Variants in NDUFA8 observed in about 807,000 individuals in gnomAD.
NDUFA8 encodes the protein NADH dehydrogenase [ubiquinone] 1 alpha subcomplex subunit 8.
A neutral mutation model predicts 20.9 loss-of-function variants in NDUFA8; 16 were observed. That is an observed-to-expected ratio of 0.77 (90% confidence interval 0.52 to 1.16). The LOEUF is 1.16. Among genes scored for constraint, NDUFA8 ranks in the 50% most tolerant of loss-of-function variants. The pLI, the probability that NDUFA8 is intolerant of heterozygous loss-of-function variation, is 0.00. For synonymous variants in NDUFA8, 70 were observed against 76.1 expected (o/e 0.92, Z 0.41); for missense variants, 202 against 216.4 (o/e 0.93, Z 0.42).
At chr9:122,141,819 C>T (rs1266340275), downstream of NDUFA8, among the ~76,000 whole-genome samples, 2 of 152,098 alleles carry the variant, frequency 1.3e-5, no homozygotes, top group Non-Finnish European at 2.9e-5. Flanking sequence ...CTCTTCTGTC[C>T]TAGAAGGCTA....
chr9:122,132,963 G>T, the NDUFA8 span: 6 of 455,870 alleles, frequency 1.3e-5, no homozygotes, highest in Non-Finnish European at 2.2e-5. Context: ...CCAGTCCTTG[G>T]GAAAGTCACC....
intron 1 of NDUFA8, among the ~76,000 whole-genome samples, chr9:122,155,104 C>A (rs147642280): frequency 6.6e-6 from 1 of 151,802 alleles, no homozygotes; most frequent in Non-Finnish European, 1.5e-5. Context: ...TTTTTGAGAC[C>A]GAGTTTCGCT....
At chr9:122,159,503 A>C in intron 1 of NDUFA8, 124 bp downstream of exon 1, 1 of 1,172,204 alleles carries the variant, frequency 8.5e-7, no homozygotes, top group East Asian at 2.3e-5. Flanking sequence ...CGACCTGTAT[A>C]TGCGTTGGAG....
downstream of NDUFA8, among the ~76,000 whole-genome samples, chr9:122,139,979 C>T (rs895934818): frequency 6.6e-6 from 1 of 152,214 alleles, no homozygotes; most frequent in Non-Finnish European, 1.5e-5. Context: ...AGGCGTGAGC[C>T]ACCGCGCCCG....
Position 122,144,298 on chromosome 9 carries a change from G to A in NDUFA8, c.462C>T (p.Ile154=), listed in dbSNP as rs1423856554. Residue 154 remains isoleucine (I), a synonymous_variant, in exon 4 of 4, where the codon ATC becomes ATT. Transcript: ENST00000373768. Reference sequence around the variant, plus strand: ...GTGTGGCAGGCTGCAGATCTCCCTCGATCTCAGGGCTGGGATCCGGTCTTG... The same window carrying A: ...GTGTGGCAGGCTGCAGATCTCCCTCAATCTCAGGGCTGGGATCCGGTCTTG... ...SRPRPDPSPE[I]EGDLQPATHG... The A allele has an allele frequency of 1.2e-6, 2 of 1,614,144 alleles. No individual in the cohort carries two copies. Among genetic ancestry groups the A allele is most frequent in the Middle Eastern group, 1.7e-4 (1 of 6,052 alleles).
chr9:122,159,737 AACTCCCCTTT>A lies in NDUFA8; in HGVS notation c.-70_-61del, dbSNP rs1313067544. 8 of 1,611,892 alleles carry A rather than the reference AACTCCCCTTT, an allele frequency of 5.0e-6. No homozygotes were observed. In the African/African-American group the frequency reaches 1.1e-4, roughly 22 times the overall value. ...CAGCCGCGTCGCCCCCGTCTCCTTG[AACTCCCCTTT>A]CGACCGCCGAGTGCCACACGGCGCC... On this transcript the variant is annotated 5_prime_UTR_variant, in exon 1 of 4. The change abolishes the stop of an existing upstream ORF in the 5' untranslated region. Transcript: ENST00000373768.
chr9:122,138,422 CT>C, the NDUFA8 span, among the ~76,000 whole-genome samples: 1 of 152,040 alleles, frequency 6.6e-6, no homozygotes, highest in South Asian at 2.1e-4. Flanking sequence ...TTCTGGGCTT[CT>C]TTTTTTTCCT....
At chr9:122,137,238 C>CCTTT in the NDUFA8 span, among the ~76,000 whole-genome samples, 1 of 106,596 alleles carries the variant, frequency 9.4e-6, no homozygotes. Context: ...TTTTCCTTTC[C>CCTTT]TTTTTTTTTT....
the NDUFA8 span, among the ~76,000 whole-genome samples, chr9:122,137,892 G>A: frequency 2.0e-5 from 3 of 152,332 alleles, no homozygotes; most frequent in Non-Finnish European, 2.9e-5. Flanking sequence ...GGTCACAGAC[G>A]GAGCCCAGCA....
At position 122,152,390 on chromosome 9, in the gene NDUFA8, C is replaced by G; in HGVS notation, c.70G>C (p.Val24Leu). Residue 24 changes from valine to leucine, a missense_variant, in exon 2 of 4, where the codon GTG becomes CTG. By Grantham distance (32) the Val-to-Leu change is conservative. Coordinates refer to ENST00000373768, the MANE Select transcript of NDUFA8 (RefSeq NM_014222.3). Reference protein sequence around the residue: ...KVDEVKISSAVLKAAAHHYGA... With the variant: ...KVDEVKISSALLKAAAHHYGA... ...TAGTGATGGGCCGCAGCTTTAAGCA[C>G]AGCAGAACTAATTTTCACCTAGGAA... 6.2e-7 allele frequency: 1 copy of G among 1,614,094 alleles called. No individual in the cohort carries two copies. The highest frequency in any genetic ancestry group is 8.5e-7 in the Non-Finnish European group (1 of 1,180,014).
chr9:122,146,203 G>A (rs921279241), intron 3 of NDUFA8, among the ~76,000 whole-genome samples: 34 of 152,064 alleles, frequency 2.2e-4, no homozygotes, highest in African/African-American at 6.8e-4. Flanking sequence ...GAGCTCAAGC[G>A]ATCCTCCTGC....
chr9:122,143,181 T>C (rs540506747), downstream of NDUFA8, among the ~76,000 whole-genome samples: 6 of 152,254 alleles, frequency 3.9e-5, no homozygotes, highest in East Asian at 1.2e-3. Context: ...AAATCTAGAA[T>C]GAGCTCGAAG....
Position 122,144,151 on chromosome 9 carries a change from A to G in NDUFA8, c.*90T>C. On this transcript the variant is annotated 3_prime_UTR_variant, in exon 4 of 4. Transcript: ENST00000373768. ...TTTGTTAATGTTTGTGATCCCGGAA[A>G]GAACACACTATCAGTCGATGCAAAC... 2 of 1,605,604 alleles carry G rather than the reference A, an allele frequency of 1.2e-6. No individual in the cohort carries two copies. Among genetic ancestry groups the G allele is most frequent in the Middle Eastern group, 4.5e-4 (2 of 4,454 alleles).
chr9:122,140,334 G>A (rs558238080), downstream of NDUFA8, among the ~76,000 whole-genome samples: 4 of 152,206 alleles, frequency 2.6e-5, no homozygotes, highest in Non-Finnish European at 4.4e-5. Context: ...TCCTAAATAG[G>A]AGAAGCAGCT....
rs1293218265 is a variant in NDUFA8 at position 122,152,276 on chromosome 9, G to A, written c.184C>T (p.Leu62=). ...DPRRCLEEGK[L]VNKCALDFFR... is the part of the protein sequence containing the mutation. ...AAGTCCAAAGCACACTTGTTGACCA[G>A]TTTGCCTTCCTCTAAACACCGCCTC... The change falls in exon 2 of 4, where the codon CTG becomes TTG. Residue 62 remains leucine, a synonymous_variant. Transcript: ENST00000373768. The A allele has an allele frequency of 6.2e-7, 1 of 1,614,078 alleles. No individual in the cohort carries two copies. The highest frequency in any genetic ancestry group is 8.5e-7 in the Non-Finnish European group (1 of 1,180,054).
chr9:122,134,182 T>C, the NDUFA8 span, among the ~76,000 whole-genome samples: 3 of 152,186 alleles, frequency 2.0e-5, no homozygotes, highest in African/African-American at 7.2e-5. Flanking sequence ...GCTTGAAAAA[T>C]GTGATTTGAC....
At chr9:122,154,699 C>T (rs554094156) in intron 1 of NDUFA8, among the ~76,000 whole-genome samples, 2 of 152,282 alleles carry the variant, frequency 1.3e-5, no homozygotes, top group African/African-American at 4.8e-5. Flanking sequence ...CCAACCCCTT[C>T]AGGACAATAC....
At chr9:122,137,130 G>A in the NDUFA8 span, among the ~76,000 whole-genome samples, 1 of 151,858 alleles carries the variant, frequency 6.6e-6, no homozygotes, top group South Asian at 2.1e-4. Context: ...GATGATCTCC[G>A]AAAGGTTTCT....
At chr9:122,150,327 C>T (rs900425928) in intron 2 of NDUFA8, among the ~76,000 whole-genome samples, 17 of 144,686 alleles carry the variant, frequency 1.2e-4, no homozygotes, top group Non-Finnish European at 1.7e-4. Context: ...AGGAGAATGG[C>T]GCGAACCCGG....
Sources: gnomAD v4.1 joint callset for allele counts (sites outside exome capture counted in the v4.1 genomes callset) on GRCh38, gnomAD v4.1.1 for gene constraint, MANE v1.5 for transcripts, NCBI Gene and HGNC (gene_info 2026-07-23, HGNC 2026-07-21) for gene names.